The following ATP8A2 variants were observed in gnomAD, a reference collection of about 807,000 sequenced individuals.
The protein encoded by ATP8A2 is ATPase phospholipid transporting 8A2, also known as phospholipid-transporting ATPase IB.
Under a neutral mutation model 165.6 loss-of-function variants are expected in ATP8A2, and 100 were observed. The observed-to-expected ratio is 0.60, with a 90% CI of 0.51 to 0.71. The LOEUF is 0.71. ATP8A2 is among the 30% of genes least tolerant of loss of function. ATP8A2 has a pLI of 0.00. For synonymous variants in ATP8A2, 543 were observed against 548.8 expected (o/e 0.99, Z 0.15); for missense variants, 1,227 against 1,479.5 (o/e 0.83, Z 2.80).
At chr13:25,925,738 T>G (rs957306949) in intron 33 of ATP8A2, among the ~76,000 whole-genome samples, 14 of 152,048 alleles carry the variant, frequency 9.2e-5, no homozygotes, top group Admixed American at 9.2e-4. Context: ...ATCTTTTTTT[T>G]TTTTTTTGAG....
chr13:25,725,914 G>C (rs999799075), intron 25 of ATP8A2, among the ~76,000 whole-genome samples: 1 of 152,146 alleles, frequency 6.6e-6, no homozygotes, highest in Non-Finnish European at 1.5e-5. Context: ...TATAGTAGGA[G>C]TTTTATTTGT....
At chr13:25,536,700 G>A (rs1234114016) in intron 6 of ATP8A2, among the ~76,000 whole-genome samples, 2 of 152,144 alleles carry the variant, frequency 1.3e-5, no homozygotes, top group East Asian at 3.9e-4. Context: ...GAAATAGAAA[G>A]CATAAATGCC....
At chr13:25,792,335 C>T (rs1034755002) in intron 27 of ATP8A2, among the ~76,000 whole-genome samples, 7 of 152,102 alleles carry the variant, frequency 4.6e-5, no homozygotes, top group East Asian at 1.9e-4. Context: ...TGTAACTGAC[C>T]GAACAGTGTT....
intron 24 of ATP8A2, among the ~76,000 whole-genome samples, chr13:25,642,034 A>G (rs1263301407): frequency 6.6e-6 from 1 of 152,214 alleles, no homozygotes; most frequent in Non-Finnish European, 1.5e-5. Flanking sequence ...GCGCTGGGAA[A>G]ACTGGGTAGC....
chr13:25,972,084 C>A (rs1344812664), intron 35 of ATP8A2, among the ~76,000 whole-genome samples: 1 of 151,846 alleles, frequency 6.6e-6, no homozygotes, highest in Non-Finnish European at 1.5e-5. Context: ...GGAAGTAGAA[C>A]AAAAAAAATC....
chr13:25,397,620 G>T (rs1311901738), intron 1 of ATP8A2, among the ~76,000 whole-genome samples: 1 of 152,078 alleles, frequency 6.6e-6, no homozygotes, highest in Non-Finnish European at 1.5e-5. Context: ...GCTTTGTTGA[G>T]GAAAAAAGCC....
rs375979642 is a variant in ATP8A2 at position 25,968,691 on chromosome 13, C to T, written c.3377+12C>T. On this transcript the variant is annotated intron_variant, in intron 35 of 36. Coordinates refer to ENST00000381655, the MANE Select transcript of ATP8A2 (RefSeq NM_016529.6). ...AGCAATGGAAAGAGGTGGGGAACTC[C>T]GTCCCAGTCCGCACAGAACACAGGT... The T allele has an allele frequency of 9.8e-5, 157 of 1,599,058 alleles. No individual in the cohort carries two copies. The highest frequency in any genetic ancestry group is 2.0e-4 in the Admixed American group (12 of 59,556).
chr13:25,762,305 A>G (rs113085974), intron 25 of ATP8A2, among the ~76,000 whole-genome samples: 2 of 129,422 alleles, frequency 1.5e-5, no homozygotes, highest in Admixed American at 8.3e-5. Context: ...AAGCTGTCCC[A>G]GAAGGCCTAG....
rs2032416852 is a variant in ATP8A2 at position 25,372,064 on chromosome 13, G to GCCCGGCACAGGCGCCGGCGGTC, written c.-144_-123dup. On this transcript the variant is annotated 5_prime_UTR_variant, in exon 1 of 37. The change abolishes the stop of an existing upstream ORF in the 5' untranslated region. Transcript: ENST00000381655. This position sits in a 1 kb window ranked among gnomAD's most constrained non-coding sequence, Gnocchi z 4.8. ...CACGGACGGCGCAGCCTCGGGCGCG[G>GCCCGGCACAGGCGCCGGCGGTC]CCCGGCACAGGCGCCGGCGGTCCCC... 1 of 398,254 alleles carries GCCCGGCACAGGCGCCGGCGGTC rather than the reference G, an allele frequency of 2.5e-6. No individual in the cohort carries two copies. The highest frequency in any genetic ancestry group is 5.1e-5 in the East Asian group (1 of 19,454). The allele number at this position is 398,254 out of a possible 1,614,324, so 24.7% of individuals were successfully genotyped here.
chr13:25,571,963 T>C (rs371605249), intron 18 of ATP8A2, among the ~76,000 whole-genome samples: 6 of 152,188 alleles, frequency 3.9e-5, no homozygotes, highest in Admixed American at 1.3e-4. Context: ...ATCTACTCTT[T>C]GTTCTATAAT....
intron 1 of ATP8A2, among the ~76,000 whole-genome samples, chr13:25,405,900 T>C (rs2033786940): frequency 6.6e-6 from 1 of 152,332 alleles, no homozygotes; most frequent in Non-Finnish European, 1.5e-5. Context: ...TTTAACTCTT[T>C]TTTTATTCTC....
intron 25 of ATP8A2, among the ~76,000 whole-genome samples, chr13:25,718,208 A>G (rs1566074452): frequency 7.2e-6 from 1 of 138,316 alleles, no homozygotes; most frequent in African/African-American, 3.3e-5. Flanking sequence ...TCAATTTGTC[A>G]TTTATTTTGT....
chr13:25,788,901 T>C (rs1041611790), intron 27 of ATP8A2, among the ~76,000 whole-genome samples: 2 of 152,210 alleles, frequency 1.3e-5, no homozygotes, highest in African/African-American at 4.8e-5. Context: ...TTGGTATTTA[T>C]AGATTTCATT....
chr13:25,646,895 A>C (rs1418128171), intron 24 of ATP8A2, among the ~76,000 whole-genome samples: 2 of 151,914 alleles, frequency 1.3e-5, no homozygotes, highest in African/African-American at 2.4e-5. Context: ...TTCTTTGTCT[A>C]CTATAGATTT....
intron 25 of ATP8A2, among the ~76,000 whole-genome samples, chr13:25,726,969 A>G (rs1397705811): frequency 6.6e-6 from 1 of 152,046 alleles, no homozygotes; most frequent in South Asian, 2.1e-4. Context: ...AGATACATAC[A>G]TGTGTACATT....
intron 7 of ATP8A2, among the ~76,000 whole-genome samples, chr13:25,539,214 A>G (rs1014645889): frequency 1.3e-5 from 2 of 151,962 alleles, no homozygotes; most frequent in African/African-American, 4.8e-5. Context: ...CTCCCATCTC[A>G]GCCTCCTGAG....
intron 1 of ATP8A2, among the ~76,000 whole-genome samples, chr13:25,385,664 CA>C (rs1468070670): frequency 1.3e-5 from 2 of 152,094 alleles, no homozygotes; most frequent in Non-Finnish European, 2.9e-5. Flanking sequence ...TGCCTTTGGA[CA>C]GTTTAATGAT....
intron 2 of ATP8A2, among the ~76,000 whole-genome samples, chr13:25,488,759 G>C (rs1367773455): frequency 6.6e-6 from 1 of 151,932 alleles, no homozygotes; most frequent in Non-Finnish European, 1.5e-5. Flanking sequence ...CATTTTTGGT[G>C]GTGTTTTTGT....
intron 1 of ATP8A2, among the ~76,000 whole-genome samples, chr13:25,378,332 GT>G (rs1054885528): frequency 2.0e-5 from 3 of 149,222 alleles, no homozygotes; most frequent in African/African-American, 7.5e-5. Flanking sequence ...CATTAACTCT[GT>G]TTTTTTTCCA....
Sources: allele counts gnomAD v4.1 joint callset (sites outside exome capture counted in the v4.1 genomes callset), GRCh38; gene constraint gnomAD v4.1.1; non-coding constraint Gnocchi (gnomAD v3.1); transcripts MANE v1.5; gene names NCBI Gene and HGNC (gene_info 2026-07-23, HGNC 2026-07-21).